Variants in NALF1 observed in about 807,000 individuals in gnomAD.
The protein encoded by NALF1 is NALCN channel auxiliary factor 1, also known as family with sequence similarity 155 member A.
In NALF1, 3 loss-of-function variants were observed where a neutral mutation model predicts 48.4. The ratio of observed to expected loss-of-function variants is 0.06; its 90% CI spans 0.03 to 0.16. The LOEUF is 0.16. Among genes scored for constraint, NALF1 ranks in the 10% least tolerant of loss-of-function variants. The pLI, the probability that NALF1 is intolerant of heterozygous loss-of-function variation, is 1.00. For synonymous variants in NALF1, 262 were observed against 245.7 expected (o/e 1.07, Z -0.62); for missense variants, 526 against 571.5 (o/e 0.92, Z 0.81).
At chr13:107,283,657 T>TTTAC (rs751090181) in intron 1 of NALF1, among the ~76,000 whole-genome samples, 4 of 128,684 alleles carry the variant, frequency 3.1e-5, no homozygotes, top group South Asian at 2.4e-4. Context: ...TATTTATTTA[T>TTTAC]TTACTATTTT....
chr13:107,648,800 C>T (rs948859852), intron 1 of NALF1, among the ~76,000 whole-genome samples: 25 of 152,264 alleles, frequency 1.6e-4, no homozygotes, highest in African/African-American at 6.0e-4. Flanking sequence ...TTCTCCCTAG[C>T]AGTGAATAAG....
At chr13:107,641,354 C>T (rs1880150292) in intron 1 of NALF1, among the ~76,000 whole-genome samples, 1 of 152,032 alleles carries the variant, frequency 6.6e-6, no homozygotes, top group Non-Finnish European at 1.5e-5. Flanking sequence ...AGTAGAGAGA[C>T]AACAGTTTGC....
chr13:107,194,480 T>G (rs1879351853), intron 2 of NALF1, among the ~76,000 whole-genome samples: 1 of 152,068 alleles, frequency 6.6e-6, no homozygotes, highest in Non-Finnish European at 1.5e-5. Context: ...GGAAAGGACA[T>G]CCTATTCAAT....
At chr13:107,319,142 C>G (rs560001130) in intron 1 of NALF1, among the ~76,000 whole-genome samples, 2 of 152,108 alleles carry the variant, frequency 1.3e-5, no homozygotes, top group East Asian at 3.9e-4. Context: ...GAGAATGTGC[C>G]AAGAGATAGG....
At position 107,704,369 on chromosome 13, in the gene NALF1, A is replaced by T. The variant is rs148852509; in HGVS notation, c.915+161313T>A. Among the ~76,000 whole-genome samples the T allele has an allele frequency of 9.4e-3, 1,434 of 151,786 alleles. 11 individuals are homozygous for T. The highest frequency in any genetic ancestry group is 0.014 in the Non-Finnish European group (922 of 67,804). On this transcript the variant is annotated intron_variant, in intron 1 of 2. Coordinates refer to ENST00000375915, the MANE Select transcript of NALF1 (RefSeq NM_001080396.3). ...GAATCATTAGATCTAAGACTTCCTG[A>T]TTATTTTCTCTCATTCACCAATCTT...
chr13:107,530,218 C>T (rs1876582446), intron 1 of NALF1, among the ~76,000 whole-genome samples: 1 of 152,054 alleles, frequency 6.6e-6, no homozygotes, highest in African/African-American at 2.4e-5. Flanking sequence ...TTAAGGAGGC[C>T]TAAAAGCTCT....
intron 1 of NALF1, among the ~76,000 whole-genome samples, chr13:107,323,566 A>T (rs1882296428): frequency 6.6e-6 from 1 of 152,038 alleles, no homozygotes; most frequent in African/African-American, 2.4e-5. Context: ...CCTCTGCTTA[A>T]AGTCTTCCAA....
At chr13:107,397,352 C>G (rs1458723227) in intron 1 of NALF1, among the ~76,000 whole-genome samples, 1 of 152,106 alleles carries the variant, frequency 6.6e-6, no homozygotes, top group African/African-American at 2.4e-5. Context: ...TCTGTGTGTT[C>G]CTGATGTTAA....
intron 1 of NALF1, among the ~76,000 whole-genome samples, chr13:107,845,527 T>A (rs774581401): frequency 1.3e-5 from 2 of 152,190 alleles, no homozygotes; most frequent in Non-Finnish European, 2.9e-5. Flanking sequence ...GAATCCAGAA[T>A]CTGAAACATT....
chr13:107,235,739 C>A (rs1406042546), intron 1 of NALF1, among the ~76,000 whole-genome samples: 2 of 152,120 alleles, frequency 1.3e-5, no homozygotes, highest in African/African-American at 4.8e-5. Flanking sequence ...CATTTGTTTG[C>A]CTGTGTGATT....
chr13:107,201,236 T>C lies in NALF1; in HGVS notation c.1087+9348A>G, dbSNP rs529052341. Among the ~76,000 whole-genome samples the C allele has an allele frequency of 1.7e-4, 26 of 152,292 alleles. No individual in the cohort carries two copies. In the East Asian group the frequency reaches 4.6e-3, roughly 27 times the overall value. On this transcript the variant is annotated intron_variant, in intron 2 of 2. Transcript: ENST00000375915. ...TGATAAGTTGATAGATATCTCTCAA[T>C]GTATAGGCACATATCATAGGCCTTG...
chr13:107,570,234 G>A (rs1223243742), intron 1 of NALF1, among the ~76,000 whole-genome samples: 1 of 151,700 alleles, frequency 6.6e-6, no homozygotes, highest in African/African-American at 2.4e-5. Flanking sequence ...ATATTAAATA[G>A]CAGTGAGAAA....
chr13:107,458,977 T>C (rs9520453), intron 1 of NALF1, among the ~76,000 whole-genome samples: 38,358 of 151,730 alleles, frequency 0.25, 5,071 homozygotes, highest in African/African-American at 0.27. Context: ...ACATCTGTTA[T>C]AATTGACGAC....
rs182288765 is a variant in NALF1 at position 107,616,911 on chromosome 13, G to A, written c.915+248771C>T. Among the ~76,000 whole-genome samples the A allele has an allele frequency of 1.3e-4, 20 of 152,112 alleles. No homozygotes were observed. The East Asian group carries it at 2.3e-3, about 18-fold the overall frequency. ...TGTGGATTGAAATGCAGAAATAACC[G>A]CTAGGTAAGGAAAAATAAAAATCTC... On this transcript the variant is annotated intron_variant, in intron 1 of 2. Coordinates refer to ENST00000375915, the MANE Select transcript of NALF1 (RefSeq NM_001080396.3).
At chr13:107,688,963 G>A (rs556024683) in intron 1 of NALF1, among the ~76,000 whole-genome samples, 23 of 152,302 alleles carry the variant, frequency 1.5e-4, no homozygotes, top group South Asian at 2.1e-4. Context: ...AGAAGCAGGA[G>A]GGCACATTTT....
chr13:107,729,922 A>G (rs1309005559), intron 1 of NALF1, among the ~76,000 whole-genome samples: 1 of 152,242 alleles, frequency 6.6e-6, no homozygotes, highest in Non-Finnish European at 1.5e-5. Context: ...TTGGTCTACC[A>G]AAAATATTTA....
intron 1 of NALF1, among the ~76,000 whole-genome samples, chr13:107,308,075 T>C (rs571499556): frequency 9.9e-5 from 15 of 152,176 alleles, no homozygotes; most frequent in South Asian, 6.2e-4. Context: ...ATAATACCAG[T>C]GTATTGGGGT....
chr13:107,394,958 A>T (rs555781494), intron 1 of NALF1, among the ~76,000 whole-genome samples: 79 of 152,298 alleles, frequency 5.2e-4, no homozygotes, highest in Non-Finnish European at 9.7e-4. Flanking sequence ...TCCAATGGGG[A>T]CATCCAATGA....
At chr13:107,675,895 T>C (rs1881108330) in intron 1 of NALF1, among the ~76,000 whole-genome samples, 2 of 152,184 alleles carry the variant, frequency 1.3e-5, no homozygotes, top group African/African-American at 2.4e-5. Context: ...ATTGAAGGTA[T>C]GGAGGAAGGT....
Sources: allele counts gnomAD v4.1 joint callset (sites outside exome capture counted in the v4.1 genomes callset), GRCh38; gene constraint gnomAD v4.1.1; transcripts MANE v1.5; gene names NCBI Gene and HGNC (gene_info 2026-07-23, HGNC 2026-07-21).